KCNQ1: variants seen among roughly 807,000 people sequenced by gnomAD.
The protein encoded by KCNQ1 is potassium voltage-gated channel subfamily KQT member 1.
In KCNQ1, 49 loss-of-function variants were observed where a neutral mutation model predicts 72.4. That is an observed-to-expected ratio of 0.68 (90% confidence interval 0.54 to 0.86). The LOEUF (loss-of-function observed/expected upper bound fraction) is 0.86, where lower values mean the gene tolerates loss of function less well. Among genes scored for constraint, KCNQ1 ranks in the 40% least tolerant of loss-of-function variants. The pLI is 0.00. For missense variants in KCNQ1, 790 were observed against 945.1 expected (o/e 0.84, Z 2.15); for synonymous variants, 450 against 412.6 (o/e 1.09, Z -1.10).
intron 15 of KCNQ1, among the ~76,000 whole-genome samples, chr11:2,779,310 G>T (rs138287769): frequency 1.3e-5 from 2 of 152,164 alleles, no homozygotes; most frequent in African/African-American, 4.8e-5. Context: ...TTCTCTTTGC[G>T]CAAGGGCTGG....
chr11:2,507,865 T>C lies in KCNQ1; in HGVS notation c.387-20063T>C, dbSNP rs1407117225. 6.6e-6 allele frequency among the ~76,000 whole-genome samples: 1 copy of C among 152,086 alleles called. No individual in the cohort carries two copies. Among genetic ancestry groups the C allele is most frequent in the African/African-American group, 2.4e-5 (1 of 41,412 alleles). ...GAAGGCAAGTCCGGGAGGTTGGGTG[T>C]CCTGCAGCCTCCACAGGGGCAATGG... On this transcript the variant is annotated intron_variant, in intron 1 of 15. Coordinates refer to ENST00000155840, the MANE Select transcript of KCNQ1 (RefSeq NM_000218.3). The surrounding 1 kb of genome is among the most constrained non-coding windows in gnomAD (Gnocchi z 5.4).
chr11:2,830,217 G>A lies in KCNQ1; in HGVS notation c.1795-17550G>A, dbSNP rs533897827. ...AGGCTCAGGACTGGCTGGGTGCTACGCAGGAGCCCTCTGACTAGCTGGGGC... is the reference window on the plus strand; with the variant it reads ...AGGCTCAGGACTGGCTGGGTGCTACACAGGAGCCCTCTGACTAGCTGGGGC... On this transcript the variant is annotated intron_variant, in intron 15 of 15. Transcript: ENST00000155840. This position sits in a 1 kb window ranked among gnomAD's most constrained non-coding sequence, Gnocchi z 7.7. Among the ~76,000 whole-genome samples, 62 of 152,212 alleles carry A rather than the reference G, an allele frequency of 4.1e-4. No individual in the cohort carries two copies. The highest frequency in any genetic ancestry group is 1.1e-3 in the African/African-American group (45 of 41,536).
chr11:2,607,574 A>G (rs7108478), intron 10 of KCNQ1, among the ~76,000 whole-genome samples: 41,603 of 152,036 alleles, frequency 0.27, 6,852 homozygotes, highest in African/African-American at 0.46. Context: ...CCAGAAAGCG[A>G]GTCCTCTCCA....
chr11:2,583,365 T>G, intron 6 of KCNQ1, 70 bp from the exon 7 acceptor site: 1 of 1,054,850 alleles, frequency 9.5e-7, no homozygotes, highest in Non-Finnish European at 1.5e-6. Flanking sequence ...GTGGTGGGTT[T>G]GGGTTAGGCA....
chr11:2,489,505 A>G (rs921796972), intron 1 of KCNQ1, among the ~76,000 whole-genome samples: 4 of 151,522 alleles, frequency 2.6e-5, no homozygotes, highest in Admixed American at 1.3e-4. Context: ...GGCAAGTCCT[A>G]TTGCTGAGAT....
chr11:2,555,519 G>C (rs1395226964), intron 2 of KCNQ1, among the ~76,000 whole-genome samples: 1 of 152,224 alleles, frequency 6.6e-6, no homozygotes, highest in Non-Finnish European at 1.5e-5. Flanking sequence ...GCCAGGCGTG[G>C]GCGTCTCCGG....
intron 9 of KCNQ1, among the ~76,000 whole-genome samples, chr11:2,587,894 G>A (rs947315771): frequency 1.3e-5 from 2 of 152,208 alleles, no homozygotes; most frequent in Non-Finnish European, 2.9e-5. Flanking sequence ...TTGGGGGTAT[G>A]TAGGACCGGT....
chr11:2,505,022 T>C (rs1399206760), intron 1 of KCNQ1, among the ~76,000 whole-genome samples: 5 of 152,118 alleles, frequency 3.3e-5, no homozygotes, highest in Admixed American at 1.3e-4. Flanking sequence ...CTCATCTTTA[T>C]TTGCATTTAA....
intron 11 of KCNQ1, chr11:2,693,637 G>C (rs1048067900): frequency 3.8e-5 from 15 of 398,532 alleles, no homozygotes; most frequent in African/African-American, 2.1e-4. Flanking sequence ...CGTAGGAAAG[G>C]CTCTGGGAGA....
rs1222719829 is a variant in KCNQ1, at chr11:2,603,038, T to C, written c.1393+14184T>C. On this transcript the variant is annotated intron_variant, in intron 10 of 15. Transcript: ENST00000155840. The surrounding 1 kb of genome is among the most constrained non-coding windows in gnomAD (Gnocchi z 4.1). ...TTTTTCTAACAGCCTTGTGGAGATATAGTTTACATACCATACAATTCACCC... is the reference window on the plus strand; with the variant it reads ...TTTTTCTAACAGCCTTGTGGAGATACAGTTTACATACCATACAATTCACCC... 3.3e-5 allele frequency among the ~76,000 whole-genome samples: 5 copies of C among 152,206 alleles called. No individual in the cohort carries two copies. The highest frequency in any genetic ancestry group is 5.9e-5 in the Non-Finnish European group (4 of 68,038).
chr11:2,584,877 C>T (rs117846246), intron 7 of KCNQ1, among the ~76,000 whole-genome samples: 1,689 of 152,270 alleles, frequency 0.011, 12 homozygotes, highest in Non-Finnish European at 0.017. Context: ...TTCTCACTTG[C>T]GACCCCAATC....
At position 2,583,639 on chromosome 11, in the gene KCNQ1, G is replaced by T. The variant is rs542432897; in HGVS notation, c.1032+94G>T. On this transcript the variant is annotated intron_variant, in intron 7 of 15. Coordinates refer to ENST00000155840, the MANE Select transcript of KCNQ1 (RefSeq NM_000218.3). ...CCTCCCTGTGAGCAGACCCACTTACGTTCAGAACCAAGAGGGTGCTTCCCT... is the reference window on the plus strand; with the variant it reads ...CCTCCCTGTGAGCAGACCCACTTACTTTCAGAACCAAGAGGGTGCTTCCCT... 47 of 859,570 alleles carry T rather than the reference G, an allele frequency of 5.5e-5. No individual in the cohort carries two copies. The South Asian group carries it at 6.0e-4, about 11-fold the overall frequency. 53.2% of individuals were successfully genotyped at this position (859,570 alleles called of 1,614,324 possible).
At chr11:2,656,209 TG>T (rs1849845666) in intron 10 of KCNQ1, 3 of 398,366 alleles carry the variant, frequency 7.5e-6, no homozygotes, top group African/African-American at 6.2e-5. Flanking sequence ...AATTGAATCC[TG>T]GATGAAGTTT....
At chr11:2,798,090 C>T (rs1847175127) in intron 15 of KCNQ1, among the ~76,000 whole-genome samples, 1 of 152,178 alleles carries the variant, frequency 6.6e-6, no homozygotes, top group Admixed American at 6.5e-5. Flanking sequence ...GGTGTCTCTC[C>T]TCAACCCTGA....
At chr11:2,799,809 G>C (rs1026785196) in intron 15 of KCNQ1, among the ~76,000 whole-genome samples, 7 of 152,210 alleles carry the variant, frequency 4.6e-5, no homozygotes, top group African/African-American at 1.4e-4. Context: ...GAGTTGTACA[G>C]AGTGGAAATG....
intron 10 of KCNQ1, chr11:2,610,304 T>C (rs1402441105): frequency 5.0e-6 from 2 of 398,000 alleles, no homozygotes; most frequent in Non-Finnish European, 8.9e-6. Flanking sequence ...CTTTTTGTGG[T>C]ATTGTTACAT....
At chr11:2,465,521 G>A (rs1405727489) in intron 1 of KCNQ1, among the ~76,000 whole-genome samples, 1 of 152,224 alleles carries the variant, frequency 6.6e-6, no homozygotes, top group Non-Finnish European at 1.5e-5. Context: ...GCCTGAGAGG[G>A]TGGACACTTG....
At chr11:2,709,535 T>C (rs1850970361) in intron 11 of KCNQ1, among the ~76,000 whole-genome samples, 1 of 152,136 alleles carries the variant, frequency 6.6e-6, no homozygotes, top group East Asian at 1.9e-4. Flanking sequence ...ATTCAACGGT[T>C]TTTAGTACGT....
chr11:2,642,080 C>T lies in KCNQ1; in HGVS notation c.1394-19881C>T, dbSNP rs1849588796. The T allele has an allele frequency of 2.5e-6, 1 of 398,228 alleles. No individual in the cohort carries two copies. The highest frequency in any genetic ancestry group is 4.4e-6 in the Non-Finnish European group (1 of 225,948). 24.7% of individuals were successfully genotyped at this position (398,228 alleles called of 1,614,324 possible). On this transcript the variant is annotated intron_variant, in intron 10 of 15. Coordinates refer to ENST00000155840, the MANE Select transcript of KCNQ1 (RefSeq NM_000218.3). This position sits in a 1 kb window ranked among gnomAD's most constrained non-coding sequence, Gnocchi z 4.3. The stretch of plus-strand genomic sequence containing the variant: ...GATGCATCCAACTTTGTTATTTTTG[C>T]TCAGAATTGCTGTGGCTATTCCAGC...
Sources: allele counts gnomAD v4.1 joint callset (sites outside exome capture counted in the v4.1 genomes callset), GRCh38; gene constraint gnomAD v4.1.1; non-coding constraint Gnocchi (gnomAD v3.1); transcripts MANE v1.5; gene names NCBI Gene and HGNC (gene_info 2026-07-23, HGNC 2026-07-21).